NR4A3: variants seen among roughly 807,000 people sequenced by gnomAD.
NR4A3 encodes chondrosarcoma, extraskeletal myxoid, fused to EWS.
NR4A3 carries 13 observed loss-of-function variants against 55.6 expected under a neutral mutation model. The observed-to-expected ratio is 0.23, with a 90% CI of 0.15 to 0.37. The LOEUF (loss-of-function observed/expected upper bound fraction) is 0.37. NR4A3 is among the 10% of genes least tolerant of loss of function. The pLI is 1.00. For missense variants in NR4A3, 646 were observed against 822.8 expected (o/e 0.79, Z 2.63); for synonymous variants, 342 against 357.9 (o/e 0.96, Z 0.50).
intron 6 of NR4A3, among the ~76,000 whole-genome samples, chr9:99,846,317 C>T (rs2118115599): frequency 6.6e-6 from 1 of 152,286 alleles, no homozygotes; most frequent in Middle Eastern, 3.4e-3. Flanking sequence ...GCTTTCAAAT[C>T]CTTTCTTTTA....
At chr9:99,862,549 CAAAAAAAAAAAAAAAAAAAA>C (rs59274273) in intron 7 of NR4A3, among the ~76,000 whole-genome samples, 1 of 72,828 alleles carries the variant, frequency 1.4e-5, no homozygotes, top group Non-Finnish European at 2.3e-5. Flanking sequence ...GACTCTGTCT[CAAAAAAAAAAAAAAAAAAAA>C]AAAAAAAAAA....
intron 7 of NR4A3, among the ~76,000 whole-genome samples, chr9:99,858,269 GA>G (rs1827960326): frequency 6.6e-6 from 1 of 152,162 alleles, no homozygotes; most frequent in Non-Finnish European, 1.5e-5. Flanking sequence ...ATGAGGATGG[GA>G]AAACATGAGC....
chr9:99,850,961 T>C (rs1827839159), intron 7 of NR4A3, among the ~76,000 whole-genome samples: 1 of 152,192 alleles, frequency 6.6e-6, no homozygotes, highest in African/African-American at 2.4e-5. Context: ...GCAGTATGTT[T>C]GGTGACAGTC....
intron 3 of NR4A3, among the ~76,000 whole-genome samples, chr9:99,830,975 G>T (rs921616338): frequency 6.6e-6 from 1 of 152,104 alleles, no homozygotes; most frequent in Non-Finnish European, 1.5e-5. Flanking sequence ...AAGGGTGGGG[G>T]CAAGATGGGG....
chr9:99,855,260 G>T (rs1019897941), intron 7 of NR4A3, among the ~76,000 whole-genome samples: 1 of 152,078 alleles, frequency 6.6e-6, no homozygotes, highest in Non-Finnish European at 1.5e-5. Flanking sequence ...TTAAGGACAG[G>T]GAGAGTCTTA....
chr9:99,857,038 A>G (rs1827938843), intron 7 of NR4A3, among the ~76,000 whole-genome samples: 1 of 152,258 alleles, frequency 6.6e-6, no homozygotes, highest in African/African-American at 2.4e-5. Context: ...AGATTATAGC[A>G]GATACAGGAA....
At chr9:99,833,861 G>C (rs1268901987) in intron 5 of NR4A3, 2 of 1,265,156 alleles carry the variant, frequency 1.6e-6, no homozygotes, top group Admixed American at 3.6e-5. Context: ...TTATCCAATT[G>C]CATCAGCATT....
At chr9:99,836,130 T>C (rs979171296) in intron 5 of NR4A3, among the ~76,000 whole-genome samples, 3 of 152,186 alleles carry the variant, frequency 2.0e-5, no homozygotes, top group Non-Finnish European at 4.4e-5. Context: ...CTGATCACAT[T>C]TGCAAATGAC....
chr9:99,859,893 G>T (rs1289046986), intron 7 of NR4A3, among the ~76,000 whole-genome samples: 1 of 152,174 alleles, frequency 6.6e-6, no homozygotes, highest in Non-Finnish European at 1.5e-5. Flanking sequence ...TTCTGAGAAA[G>T]GCGTCTCTCC....
intron 3 of NR4A3, among the ~76,000 whole-genome samples, chr9:99,832,438 A>G (rs1299085931): frequency 6.6e-6 from 1 of 152,220 alleles, no homozygotes; most frequent in Non-Finnish European, 1.5e-5. Context: ...TGGTAATTTC[A>G]GATATGATTT....
Position 99,863,701 on chromosome 9 carries a change from A to C in NR4A3, c.1715A>C (p.Lys572Thr). ...ITSSLKDHQS[K>T]GQALEPTESK... ...AGCAGTTTAAAAGACCACCAGAGTA[A>C]GGGACAGGCTCTGGAGCCCACCGAG... Residue 572 changes from lysine to threonine, a missense_variant, in exon 8 of 8, where the codon AAG (lysine) becomes ACG (threonine). By Grantham distance (78) the Lys-to-Thr change is moderately conservative. Around this residue, in one of 5 missense-constraint regions of NR4A3, gnomAD observed 163 missense variants for 233.0 expected, o/e 0.70. Transcript: ENST00000395097. 1 of 1,614,004 alleles carries C rather than the reference A, an allele frequency of 6.2e-7. No individual in the cohort carries two copies. The highest frequency in any genetic ancestry group is 8.5e-7 in the Non-Finnish European group (1 of 1,179,948).
At position 99,865,906 on chromosome 9, in the gene NR4A3, G is replaced by A; in HGVS notation, c.*2039G>A. Reference sequence around the variant, plus strand: ...TGGAAGGGGCCTGGTCTGTCAACTAGTCCAACCCCTTAAAATTCATAGAGG... The same window carrying A: ...TGGAAGGGGCCTGGTCTGTCAACTAATCCAACCCCTTAAAATTCATAGAGG... On this transcript the variant is annotated 3_prime_UTR_variant, in exon 8 of 8. Transcript: ENST00000395097. This position sits in a 1 kb window ranked among gnomAD's most constrained non-coding sequence, Gnocchi z 4.3. 4.6e-6 allele frequency: 1 copy of A among 218,168 alleles called. No homozygotes were observed. The highest frequency in any genetic ancestry group is 9.2e-6 in the Non-Finnish European group (1 of 108,300). The allele number at this position is 218,168 out of a possible 1,614,324, so 13.5% of individuals were successfully genotyped here.
intron 2 of NR4A3, 62 bp from the exon 3 acceptor site, chr9:99,827,979 C>G: frequency 6.4e-7 from 1 of 1,551,698 alleles, no homozygotes. Flanking sequence ...CCCAATGCTG[C>G]CTGTTGGCTA....
intron 3 of NR4A3, among the ~76,000 whole-genome samples, chr9:99,830,865 C>A (rs1198563438): frequency 6.6e-6 from 1 of 152,082 alleles, no homozygotes; most frequent in Non-Finnish European, 1.5e-5. Context: ...GACCAAAATA[C>A]CAGAGTGGTA....
At chr9:99,850,556 C>T (rs1046942292) in intron 7 of NR4A3, among the ~76,000 whole-genome samples, 1 of 152,194 alleles carries the variant, frequency 6.6e-6, no homozygotes, top group Non-Finnish European at 1.5e-5. Context: ...GCTCAGCCCG[C>T]TGCCCATTTA....
chr9:99,833,755 TG>T, intron 5 of NR4A3: 1 of 1,411,330 alleles, frequency 7.1e-7, no homozygotes, highest in Non-Finnish European at 9.3e-7. Context: ...AACTACAATT[TG>T]TAGATTTATC....
intron 7 of NR4A3, among the ~76,000 whole-genome samples, chr9:99,853,368 T>A (rs1827886637): frequency 7.4e-6 from 1 of 135,246 alleles, no homozygotes; most frequent in African/African-American, 2.8e-5. Context: ...AGGGTACATG[T>A]GCACATTGTG....
At chr9:99,863,554 G>A in intron 7 of NR4A3, 66 bp from the exon 8 acceptor site, 1 of 1,541,024 alleles carries the variant, frequency 6.5e-7, no homozygotes. Context: ...ACCTCAATTA[G>A]GGATTCAAAG....
At position 99,847,492 on chromosome 9, in the gene NR4A3, C is replaced by T; in HGVS notation, c.1510C>T (p.Leu504Phe). Residue 504 changes from leucine to phenylalanine, a missense_variant, in exon 7 of 8, where the codon CTT becomes TTT. By Grantham distance (22) the Leu-to-Phe change is conservative (BLOSUM62 0). This residue lies in a region of NR4A3 where 163 missense variants were observed against 233.0 expected (regional missense o/e 0.70). Transcript: ENST00000395097. ...VFCNGLVLHR[L>F]QCLRGFGEWL... ...CTGCAATGGACTTGTCCTGCATCGA[C>T]TTCAGTGCCTTCGTGGATTTGGGGA... The T allele has an allele frequency of 1.2e-6, 2 of 1,614,202 alleles. No homozygotes were observed. The highest frequency in any genetic ancestry group is 1.1e-5 in the South Asian group (1 of 91,082).
Sources: gnomAD v4.1 joint callset for allele counts (sites outside exome capture counted in the v4.1 genomes callset) on GRCh38, gnomAD v4.1.1 for gene constraint, gnomAD v4.1.1 regional missense constraint, Gnocchi (gnomAD v3.1) non-coding constraint, MANE v1.5 for transcripts, NCBI Gene and HGNC (gene_info 2026-07-23, HGNC 2026-07-21) for gene names.